Variants in PTCHD4 observed in about 807,000 individuals in gnomAD.
PTCHD4 encodes patched domain containing 4.
A neutral mutation model predicts 58.1 loss-of-function variants in PTCHD4; 33 were observed. The ratio of observed to expected loss-of-function variants is 0.57; its 90% CI spans 0.43 to 0.76. PTCHD4 has a LOEUF of 0.76. Among genes scored for constraint, PTCHD4 ranks in the 30% least tolerant of loss-of-function variants. The pLI is 0.00. For synonymous variants in PTCHD4, 478 were observed against 409.6 expected, an observed-to-expected ratio of 1.17 and a Z score of -2.02; for missense variants, 1,058 against 1,027.1, an observed-to-expected ratio of 1.03 and a Z score of -0.41.
intron 1 of PTCHD4, among the ~76,000 whole-genome samples, chr6:48,075,430 G>A (rs981162710): frequency 2.0e-5 from 3 of 146,988 alleles, no homozygotes; most frequent in Non-Finnish European, 4.5e-5. Flanking sequence ...AGACAATCAA[G>A]TTTTGTGGGT....
chr6:47,913,392 G>A (rs1029613924), intron 4 of PTCHD4, among the ~76,000 whole-genome samples: 1 of 151,840 alleles, frequency 6.6e-6, no homozygotes, highest in Non-Finnish European at 1.5e-5. Flanking sequence ...TTTGATTTGG[G>A]TGACTTGCAA....
At chr6:47,880,050 G>C in intron 4 of PTCHD4, 114 bp from the exon 5 acceptor site, 1 of 831,638 alleles carries the variant, frequency 1.2e-6, no homozygotes, top group Non-Finnish European at 1.8e-6. Flanking sequence ...TCTTCAAAGG[G>C]CTGTGATCCT....
intron 3 of PTCHD4, among the ~76,000 whole-genome samples, chr6:48,061,554 T>C (rs1314170851): frequency 6.6e-6 from 1 of 152,180 alleles, no homozygotes; most frequent in Non-Finnish European, 1.5e-5. Context: ...AAGGGGCATA[T>C]TAATCATCTG....
intron 4 of PTCHD4, among the ~76,000 whole-genome samples, chr6:47,929,245 G>A (rs1014760016): frequency 6.6e-6 from 1 of 152,148 alleles, no homozygotes; most frequent in African/African-American, 2.4e-5. Context: ...AAATGAAAAC[G>A]TTCATTTGAA....
chr6:48,077,956 A>T (rs542561071), intron 1 of PTCHD4, among the ~76,000 whole-genome samples: 1 of 152,320 alleles, frequency 6.6e-6, no homozygotes, highest in East Asian at 1.9e-4. Flanking sequence ...TGATATCTAG[A>T]CACAAAGTGA....
intron 4 of PTCHD4, among the ~76,000 whole-genome samples, chr6:47,909,203 A>G (rs1764990455): frequency 6.6e-6 from 1 of 152,164 alleles, no homozygotes; most frequent in African/African-American, 2.4e-5. Context: ...AGGTAGTTTA[A>G]ATACCAGAGA....
At chr6:48,106,731 G>A (rs1469604051) in intron 1 of PTCHD4, among the ~76,000 whole-genome samples, 1 of 152,178 alleles carries the variant, frequency 6.6e-6, no homozygotes, top group African/African-American at 2.4e-5. Context: ...ATCTCCTTAA[G>A]CTGATAAGCA....
At chr6:47,998,578 C>T (rs142092520) in intron 4 of PTCHD4, among the ~76,000 whole-genome samples, 95 of 152,230 alleles carry the variant, frequency 6.2e-4, no homozygotes, top group African/African-American at 2.1e-3. Flanking sequence ...GTGCAAGAGA[C>T]GGAGGTGGAT....
intron 4 of PTCHD4, among the ~76,000 whole-genome samples, chr6:47,898,776 A>T (rs1042408832): frequency 6.6e-6 from 1 of 152,188 alleles, no homozygotes; most frequent in Admixed American, 6.5e-5. Flanking sequence ...AGGTCATGCC[A>T]CCCGTGAGAA....
At chr6:48,006,969 T>C (rs1468782279) in intron 4 of PTCHD4, among the ~76,000 whole-genome samples, 1 of 152,244 alleles carries the variant, frequency 6.6e-6, no homozygotes, top group Non-Finnish European at 1.5e-5. Flanking sequence ...CTGGGCGTGG[T>C]GGCTTACGCC....
chr6:47,969,925 C>T (rs540809752), intron 4 of PTCHD4, among the ~76,000 whole-genome samples: 2 of 152,092 alleles, frequency 1.3e-5, no homozygotes, highest in African/African-American at 4.8e-5. Flanking sequence ...AATCAAATAC[C>T]GTCAAATATA....
chr6:47,911,424 C>T (rs76030042), intron 4 of PTCHD4, among the ~76,000 whole-genome samples: 2,222 of 152,248 alleles, frequency 0.015, 58 homozygotes, highest in African/African-American at 0.05. Context: ...TTTCTAATCT[C>T]TATGCTGCTT....
At chr6:47,925,478 A>G (rs1765579174) in intron 4 of PTCHD4, among the ~76,000 whole-genome samples, 2 of 152,180 alleles carry the variant, frequency 1.3e-5, no homozygotes, top group African/African-American at 4.8e-5. Context: ...TTAATTGACC[A>G]TAAAAGTTCT....
intron 1 of PTCHD4, among the ~76,000 whole-genome samples, chr6:48,103,106 TG>T (rs1241122656): frequency 6.6e-6 from 1 of 152,338 alleles, no homozygotes; most frequent in East Asian, 1.9e-4. Context: ...AAGAGAGTAG[TG>T]GTTCTCCCAG....
chr6:47,925,808 C>T lies in PTCHD4; in HGVS notation c.899-45872G>A, dbSNP rs552823115. The stretch of plus-strand genomic sequence containing the variant: ...CTGTTTCAGTCTCGGGGCAATTTAT[C>T]AGGGCTTGTTTCCCACTTGCTTCCA... On this transcript the variant is annotated intron_variant, in intron 4 of 4. Coordinates refer to ENST00000339488, the MANE Select transcript of PTCHD4 (RefSeq NM_001384253.1). Among the ~76,000 whole-genome samples, 154 of 152,282 alleles carry T rather than the reference C, an allele frequency of 1.0e-3. 1 individual carries two copies. Among genetic ancestry groups the T allele is most frequent in the Admixed American group, 2.2e-3 (34 of 15,298 alleles).
intron 4 of PTCHD4, among the ~76,000 whole-genome samples, chr6:47,935,975 G>A (rs150056218): frequency 1.7e-4 from 26 of 152,190 alleles, no homozygotes; most frequent in Non-Finnish European, 3.2e-4. Flanking sequence ...AAGCAGACGA[G>A]AGAATGTCAG....
At position 48,008,881 on chromosome 6, in the gene PTCHD4, A is replaced by G. The variant is rs1441430109; in HGVS notation, c.651T>C (p.Phe217=). Residue 217 remains phenylalanine (F), a synonymous_variant, in exon 4 of 5, where the codon TTT becomes TTC. Transcript: ENST00000339488. ...QELQLYSLAS[F]SLWRDFHKTS... ...TCTTATGAAAGTCCCTCCAGAGGCT[A>G]AAGGATGCTAAAGAGTAGAGCTGGA... 1 of 1,614,016 alleles carries G rather than the reference A, an allele frequency of 6.2e-7. No homozygotes were observed. The highest frequency in any genetic ancestry group is 8.5e-7 in the Non-Finnish European group (1 of 1,179,904).
chr6:47,875,011 T>C lies in PTCHD4; in HGVS notation c.*3292A>G, dbSNP rs1429705711. On this transcript the variant is annotated 3_prime_UTR_variant, in exon 5 of 5. Transcript: ENST00000339488. ...AAGAGAGTGGAGCTCACATGGCACT[T>C]TCCAATTCAAATTTAAATTCTGATG... Among the ~76,000 whole-genome samples, 1 of 151,826 alleles carries C rather than the reference T, an allele frequency of 6.6e-6. No homozygotes were observed. The highest frequency in any genetic ancestry group is 1.5e-5 in the Non-Finnish European group (1 of 67,856).
At chr6:48,056,200 A>G (rs1395856441) in intron 3 of PTCHD4, among the ~76,000 whole-genome samples, 1 of 152,226 alleles carries the variant, frequency 6.6e-6, no homozygotes, top group African/African-American at 2.4e-5. Context: ...ACGAGATACA[A>G]TACATATCCT....
Sources: gnomAD v4.1 joint callset for allele counts (sites outside exome capture counted in the v4.1 genomes callset) on GRCh38, gnomAD v4.1.1 for gene constraint, MANE v1.5 for transcripts, NCBI Gene and HGNC (gene_info 2026-07-23, HGNC 2026-07-21) for gene names.